CLNK: variants seen among roughly 807,000 people sequenced by gnomAD.
CLNK encodes cytokine-dependent hematopoietic cell linker.
In CLNK, 74 loss-of-function variants were observed where a neutral mutation model predicts 68.6. The ratio of observed to expected loss-of-function variants is 1.08; its 90% CI spans 0.89 to 1.31. The LOEUF (loss-of-function observed/expected upper bound fraction) is 1.31. CLNK is among the 50% of genes most tolerant of loss of function. The pLI is 0.00. For missense variants in CLNK, 553 were observed against 515.3 expected, an observed-to-expected ratio of 1.07 and a Z score of -0.71; for synonymous variants, 198 against 172.2, an observed-to-expected ratio of 1.15 and a Z score of -1.17.
the CLNK span, among the ~76,000 whole-genome samples, chr4:10,727,297 G>A: frequency 1.4e-4 from 22 of 152,176 alleles, no homozygotes; most frequent in Admixed American, 3.9e-4. Context: ...TTGCAGGTGG[G>A]GCTCATACTG....
chr4:10,543,786 C>T (rs1438722113), intron 8 of CLNK, among the ~76,000 whole-genome samples: 1 of 152,168 alleles, frequency 6.6e-6, no homozygotes, highest in Non-Finnish European at 1.5e-5. Context: ...TTGAAAAACA[C>T]TTTTGAAATA....
At chr4:10,533,559 A>G (rs568692820) in intron 11 of CLNK, among the ~76,000 whole-genome samples, 1 of 152,238 alleles carries the variant, frequency 6.6e-6, no homozygotes, top group Non-Finnish European at 1.5e-5. Context: ...AGCAACAGGC[A>G]ACTGTACCAA....
chr4:10,514,066 A>G (rs909070806), intron 15 of CLNK, among the ~76,000 whole-genome samples: 8 of 125,616 alleles, frequency 6.4e-5, no homozygotes, highest in African/African-American at 1.8e-4. Context: ...TGTCCATGTG[A>G]TCTTATTGTT....
intron 2 of CLNK, among the ~76,000 whole-genome samples, chr4:10,622,830 G>T (rs2108862400): frequency 6.6e-6 from 1 of 152,274 alleles, no homozygotes; most frequent in Admixed American, 6.5e-5. Flanking sequence ...AGATCAGGAT[G>T]CCAGCATGGT....
intron 18 of CLNK, among the ~76,000 whole-genome samples, chr4:10,495,731 T>A (rs1339414116): frequency 6.6e-6 from 1 of 152,054 alleles, no homozygotes; most frequent in Non-Finnish European, 1.5e-5. Flanking sequence ...ATGTGTTTCT[T>A]CATAAGATAG....
At chr4:10,576,377 G>A (rs540495902) in intron 4 of CLNK, among the ~76,000 whole-genome samples, 1 of 152,306 alleles carries the variant, frequency 6.6e-6, no homozygotes, top group East Asian at 1.9e-4. Flanking sequence ...GATGTGTGGA[G>A]GGTCATCCAT....
chr4:10,547,100 C>G (rs901570240), intron 8 of CLNK, among the ~76,000 whole-genome samples: 2 of 152,112 alleles, frequency 1.3e-5, no homozygotes, highest in African/African-American at 4.8e-5. Flanking sequence ...CTTTATGCCT[C>G]ACCTGTCAAT....
chr4:10,589,899 AG>A (rs775531223), intron 3 of CLNK, among the ~76,000 whole-genome samples: 9 of 152,250 alleles, frequency 5.9e-5, no homozygotes, highest in Non-Finnish European at 1.2e-4. Flanking sequence ...GGGAATTACA[AG>A]GATGCACCCT....
intron 2 of CLNK, among the ~76,000 whole-genome samples, chr4:10,664,861 C>T (rs1330612227): frequency 6.6e-6 from 1 of 152,218 alleles, no homozygotes; most frequent in African/African-American, 2.4e-5. Flanking sequence ...CCAGCTTATG[C>T]ATTTCTCTTT....
intron 2 of CLNK, among the ~76,000 whole-genome samples, chr4:10,658,847 C>A (rs1724083076): frequency 6.6e-6 from 1 of 152,194 alleles, no homozygotes; most frequent in Admixed American, 6.5e-5. Flanking sequence ...GAAGTGTCAG[C>A]ATACACTGCA....
chr4:10,692,462 A>T, the CLNK span, among the ~76,000 whole-genome samples: 1 of 152,152 alleles, frequency 6.6e-6, no homozygotes, highest in South Asian at 2.1e-4. Context: ...GGTCTCCTTG[A>T]ACGCGAACGC....
intron 2 of CLNK, among the ~76,000 whole-genome samples, chr4:10,620,595 T>A (rs1452848312): frequency 2.1e-4 from 32 of 152,148 alleles, no homozygotes. Context: ...CCCTGACACT[T>A]CCAGAGGCAA....
At chr4:10,733,066 G>A in the CLNK span, among the ~76,000 whole-genome samples, 4 of 152,212 alleles carry the variant, frequency 2.6e-5, no homozygotes, top group Admixed American at 6.5e-5. Flanking sequence ...TAATCCACCA[G>A]CAATTCCAAG....
chr4:10,585,323 G>A (rs1368668690), intron 3 of CLNK, among the ~76,000 whole-genome samples: 1 of 152,178 alleles, frequency 6.6e-6, no homozygotes, highest in Admixed American at 6.5e-5. Flanking sequence ...TTTAAGTTCT[G>A]CCTAAAGGTT....
chr4:10,613,567 CAG>C (rs139546310), intron 2 of CLNK, among the ~76,000 whole-genome samples: 10,251 of 152,228 alleles, frequency 0.067, 539 homozygotes, highest in Admixed American at 0.17. Flanking sequence ...GTCAGGGTCT[CAG>C]ACACAGGAAC....
chr4:10,657,015 CTT>C (rs1455647681), intron 2 of CLNK, among the ~76,000 whole-genome samples: 1 of 152,110 alleles, frequency 6.6e-6, no homozygotes, highest in African/African-American at 2.4e-5. Flanking sequence ...TTTTAAATGT[CTT>C]ATACAAATTA....
intron 7 of CLNK, among the ~76,000 whole-genome samples, chr4:10,562,526 C>T (rs1239191584): frequency 6.6e-6 from 1 of 152,140 alleles, no homozygotes; most frequent in Non-Finnish European, 1.5e-5. Flanking sequence ...TTGCCTCAGC[C>T]TCCTGAGTAG....
At chr4:10,562,792 T>C (rs1719951322) in intron 7 of CLNK, among the ~76,000 whole-genome samples, 1 of 152,208 alleles carries the variant, frequency 6.6e-6, no homozygotes, top group South Asian at 2.1e-4. Context: ...TTGTCCTGCA[T>C]TATCATTATT....
intron 2 of CLNK, among the ~76,000 whole-genome samples, chr4:10,655,375 A>AGAGAGAGAGAGAGAGAGAGAG (rs71181051): frequency 7.2e-6 from 1 of 139,360 alleles, no homozygotes; most frequent in Non-Finnish European, 1.6e-5. Context: ...AGAGAGAGAG[A>AGAGAGAGAGAGAGAGAGAGAG]AAGCGAGAGA....
Sources: allele counts gnomAD v4.1 joint callset (sites outside exome capture counted in the v4.1 genomes callset), GRCh38; gene constraint gnomAD v4.1.1; transcripts MANE v1.5; gene names NCBI Gene and HGNC (gene_info 2026-07-23, HGNC 2026-07-21).